The following FSTL5 variants were observed in gnomAD, a reference collection of about 807,000 sequenced individuals.
FSTL5 encodes follistatin-related protein 5.
Under a neutral mutation model 89.1 loss-of-function variants are expected in FSTL5, and 62 were observed. The observed-to-expected ratio is 0.70, with a 90% confidence interval of 0.57 to 0.86. FSTL5 has a LOEUF of 0.86. Among genes scored for constraint, FSTL5 ranks in the 40% least tolerant of loss-of-function variants. The pLI is 0.00. For missense variants in FSTL5, 1,057 were observed against 1,001.6 expected (o/e 1.06, Z -0.75); for synonymous variants, 383 against 346.2 (o/e 1.11, Z -1.18).
chr4:161,735,038 A>G (rs1287643143), intron 6 of FSTL5, among the ~76,000 whole-genome samples: 2 of 152,120 alleles, frequency 1.3e-5, no homozygotes, highest in Admixed American at 6.6e-5. Context: ...CTGGCCCCCC[A>G]CTTTCCAATG....
At chr4:162,163,455 ATAATAATAATAATAG>A (rs1352371076) in intron 1 of FSTL5, among the ~76,000 whole-genome samples, 145 bp downstream of exon 1, 5 of 121,034 alleles carry the variant, frequency 4.1e-5, no homozygotes, top group Non-Finnish European at 6.6e-5. Context: ...AATAATAATA[ATAATAATAATAATAG>A]TAATTATTAA....
At position 161,420,869 on chromosome 4, in the gene FSTL5, G is replaced by A. The variant is rs1344498639; in HGVS notation, c.1841+34135C>T. On this transcript the variant is annotated intron_variant, in intron 15 of 15. Transcript: ENST00000306100. ...ATAGGCCATAACATATATATTATGTGTATGGTATTAAATATAAATAAATAA... is the reference window on the plus strand; with the variant it reads ...ATAGGCCATAACATATATATTATGTATATGGTATTAAATATAAATAAATAA... Among the ~76,000 whole-genome samples the A allele has an allele frequency of 3.3e-5, 5 of 150,224 alleles. No individual in the cohort carries two copies. The Admixed American group carries it at 3.3e-4, about 10-fold the overall frequency.
intron 3 of FSTL5, among the ~76,000 whole-genome samples, chr4:161,967,610 A>G (rs1332416791): frequency 2.0e-5 from 3 of 152,104 alleles, no homozygotes; most frequent in Middle Eastern, 3.5e-3. Context: ...CCTAAAACCT[A>G]TCTTTTTTGT....
intron 6 of FSTL5, among the ~76,000 whole-genome samples, chr4:161,668,671 C>T (rs889343727): frequency 6.6e-6 from 1 of 152,080 alleles, no homozygotes; most frequent in African/African-American, 2.4e-5. Context: ...TACACTATGA[C>T]ACGTTGGTGT....
intron 1 of FSTL5, among the ~76,000 whole-genome samples, chr4:162,119,249 A>G (rs1284567602): frequency 1.3e-5 from 2 of 151,376 alleles, no homozygotes; most frequent in Non-Finnish European, 2.9e-5. Context: ...AAAAAGGTGC[A>G]CACAATGAAT....
rs1328619001 is a variant in FSTL5, at chr4:161,920,608, A to C, written c.205T>G (p.Tyr69Asp). The C allele has an allele frequency of 6.2e-7, 1 of 1,613,828 alleles. No individual in the cohort carries two copies. Residue 69 changes from tyrosine (Y) to aspartate (D), a missense_variant, in exon 4 of 16, where the codon TAC becomes GAC. By Grantham distance (160) the Tyr-to-Asp change is radical. Transcript: ENST00000306100. ...ACACAGTGTCTTCCCAAACCACAGTACTTATTTTCACAAGATCCAAAAGGG... is the reference window on the plus strand; with the variant it reads ...ACACAGTGTCTTCCCAAACCACAGTCCTTATTTTCACAAGATCCAAAAGGG... ...DGPFGSCENKYCGLGRHCVTS... is the reference protein window; with the variant it reads ...DGPFGSCENKDCGLGRHCVTS...
intron 7 of FSTL5, among the ~76,000 whole-genome samples, chr4:161,624,861 C>T (rs1735261315): frequency 6.6e-6 from 1 of 152,090 alleles, no homozygotes; most frequent in African/African-American, 2.4e-5. Context: ...GACATATTTG[C>T]TGTATGCCAA....
intron 7 of FSTL5, among the ~76,000 whole-genome samples, chr4:161,603,769 T>C (rs935280909): frequency 6.6e-6 from 1 of 152,032 alleles, no homozygotes; most frequent in Admixed American, 6.6e-5. Context: ...TCCGAGACAA[T>C]AACCAAAGTA....
intron 4 of FSTL5, among the ~76,000 whole-genome samples, chr4:161,913,436 T>G (rs967998123): frequency 2.0e-5 from 3 of 152,156 alleles, no homozygotes; most frequent in African/African-American, 7.2e-5. Context: ...GGGCTGTGCC[T>G]TCAGAGGGTA....
intron 4 of FSTL5, among the ~76,000 whole-genome samples, chr4:161,905,038 A>T (rs1303268480): frequency 6.6e-6 from 1 of 152,056 alleles, no homozygotes; most frequent in Non-Finnish European, 1.5e-5. Context: ...ATGCTTTAAC[A>T]AGCCTAATAT....
chr4:162,042,585 T>C (rs1273839244), intron 2 of FSTL5, among the ~76,000 whole-genome samples: 1 of 152,046 alleles, frequency 6.6e-6, no homozygotes, highest in Non-Finnish European at 1.5e-5. Context: ...CAAAGTCTCA[T>C]ATTAAGCATA....
chr4:161,523,027 C>T (rs1276095276), intron 10 of FSTL5, among the ~76,000 whole-genome samples: 1 of 151,866 alleles, frequency 6.6e-6, no homozygotes, highest in Admixed American at 6.6e-5. Context: ...ATTTATGGAG[C>T]CCTCATTATG....
chr4:161,542,411 A>G, intron 9 of FSTL5, 121 bp downstream of exon 9: 1 of 516,628 alleles, frequency 1.9e-6, no homozygotes, highest in Admixed American at 4.0e-5. Flanking sequence ...TTTTTTTCAT[A>G]TTTGTGACAT....
intron 4 of FSTL5, among the ~76,000 whole-genome samples, chr4:161,820,024 A>T (rs1730444324): frequency 6.6e-6 from 1 of 152,084 alleles, no homozygotes. Context: ...CTTTTACTTT[A>T]TTATGCAAAG....
At chr4:161,916,574 A>C (rs1302028870) in intron 4 of FSTL5, among the ~76,000 whole-genome samples, 1 of 152,206 alleles carries the variant, frequency 6.6e-6, no homozygotes. Context: ...GACGCCAATA[A>C]ACAAATGCTA....
chr4:161,858,171 C>A (rs774407673), intron 4 of FSTL5, among the ~76,000 whole-genome samples: 1 of 152,068 alleles, frequency 6.6e-6, no homozygotes, highest in Non-Finnish European at 1.5e-5. Context: ...CCTTCCACCA[C>A]GTGAGGATAA....
intron 6 of FSTL5, among the ~76,000 whole-genome samples, chr4:161,724,737 C>A (rs1191733915): frequency 6.6e-6 from 1 of 152,092 alleles, no homozygotes; most frequent in Admixed American, 6.5e-5. Context: ...TGGCATAAAT[C>A]AAAATTAAAT....
intron 8 of FSTL5, among the ~76,000 whole-genome samples, chr4:161,570,517 C>G (rs189726495): frequency 6.6e-6 from 1 of 152,196 alleles, no homozygotes; most frequent in Admixed American, 6.5e-5. Context: ...GATTCAAAGT[C>G]TGGCTTTTAA....
chr4:161,579,535 T>C (rs1489377637), intron 8 of FSTL5, among the ~76,000 whole-genome samples: 1 of 151,862 alleles, frequency 6.6e-6, no homozygotes, highest in Non-Finnish European at 1.5e-5. Context: ...CTGGCCAACA[T>C]GGTGAAACCC....
Sources: allele counts gnomAD v4.1 joint callset (sites outside exome capture counted in the v4.1 genomes callset), GRCh38; gene constraint gnomAD v4.1.1; transcripts MANE v1.5; gene names NCBI Gene and HGNC (gene_info 2026-07-23, HGNC 2026-07-21).